Variants in ATG7 observed in about 807,000 individuals in gnomAD.
The protein encoded by ATG7 is ubiquitin-like modifier-activating enzyme ATG7.
A neutral mutation model predicts 82.4 loss-of-function variants in ATG7; 70 were observed. The observed-to-expected ratio is 0.85, with a 90% CI of 0.70 to 1.04. The LOEUF is 1.04. ATG7 is among the 50% of genes least tolerant of loss of function. The pLI, the probability that ATG7 is intolerant of heterozygous loss-of-function variation, is 0.00. For missense variants in ATG7, 792 were observed against 864.3 expected, an observed-to-expected ratio of 0.92 and a Z score of 1.05; for synonymous variants, 287 against 313.0, an observed-to-expected ratio of 0.92 and a Z score of 0.88.
intron 20 of ATG7, among the ~76,000 whole-genome samples, chr3:11,551,831 T>G (rs572469786): frequency 3.3e-5 from 5 of 151,998 alleles, no homozygotes; most frequent in Non-Finnish European, 1.5e-5. Context: ...TCACTACAAC[T>G]TCTACCTCCT....
chr3:11,546,577 T>TA (rs2071311014), intron 20 of ATG7, among the ~76,000 whole-genome samples: 1 of 152,172 alleles, frequency 6.6e-6, no homozygotes, highest in African/African-American at 2.4e-5. Context: ...AGAAGAACCT[T>TA]AGTTCATGGC....
At chr3:11,331,058 G>A (rs902184431) in intron 9 of ATG7, among the ~76,000 whole-genome samples, 1 of 151,972 alleles carries the variant, frequency 6.6e-6, no homozygotes, top group Non-Finnish European at 1.5e-5. Context: ...CTTCCTTCCA[G>A]TCTTTTTTCC....
intron 20 of ATG7, among the ~76,000 whole-genome samples, chr3:11,531,482 C>T (rs965072208): frequency 1.3e-5 from 2 of 152,188 alleles, no homozygotes; most frequent in East Asian, 1.9e-4. Flanking sequence ...TTAGGGTGCT[C>T]ACCTCTCTGT....
intron 20 of ATG7, among the ~76,000 whole-genome samples, chr3:11,520,588 G>A (rs2092415817): frequency 6.6e-6 from 1 of 152,166 alleles, no homozygotes; most frequent in East Asian, 1.9e-4. Flanking sequence ...AGGCAGCAGA[G>A]GAAATGGCCC....
chr3:11,335,287 C>T (rs1226499952), intron 11 of ATG7, among the ~76,000 whole-genome samples: 2 of 152,104 alleles, frequency 1.3e-5, no homozygotes, highest in African/African-American at 4.8e-5. Context: ...AAGATAGTCG[C>T]AGGGGTGTCC....
intron 9 of ATG7, among the ~76,000 whole-genome samples, chr3:11,319,607 C>G (rs1250289524): frequency 6.6e-6 from 1 of 152,228 alleles, no homozygotes; most frequent in Non-Finnish European, 1.5e-5. Context: ...GGACCCCGGG[C>G]CATATTATCC....
intron 6 of ATG7, 29 bp from the exon 7 acceptor site, chr3:11,308,955 C>G: frequency 6.3e-7 from 1 of 1,597,410 alleles, no homozygotes; most frequent in Non-Finnish European, 8.6e-7. Flanking sequence ...GCCTGGTAAC[C>G]TGCCTTGATG....
chr3:11,276,636 ATCTT>A (rs1941863430), intron 1 of ATG7, among the ~76,000 whole-genome samples: 2 of 152,022 alleles, frequency 1.3e-5, no homozygotes, highest in South Asian at 4.1e-4. Context: ...TTTCCTTCTT[ATCTT>A]TCTTGGCACA....
chr3:11,378,011 CTT>C (rs1333729151), intron 18 of ATG7, among the ~76,000 whole-genome samples: 1 of 124,288 alleles, frequency 8.0e-6, no homozygotes, highest in Admixed American at 8.3e-5. Flanking sequence ...GGCTATCTAA[CTT>C]ATACCAGTTA....
At chr3:11,552,841 G>A (rs2071940282) in intron 20 of ATG7, among the ~76,000 whole-genome samples, 1 of 152,214 alleles carries the variant, frequency 6.6e-6, no homozygotes. Flanking sequence ...CCCAGTCCCA[G>A]TGTGGCTGAG....
downstream of ATG7, chr3:11,558,541 G>C: frequency 6.3e-7 from 1 of 1,595,242 alleles, no homozygotes; most frequent in Non-Finnish European, 8.5e-7. Context: ...CGTGTTGTTG[G>C]AGGAGGCGCT....
intron 20 of ATG7, among the ~76,000 whole-genome samples, chr3:11,478,951 A>G (rs565852336): frequency 6.6e-6 from 1 of 151,206 alleles, no homozygotes; most frequent in Non-Finnish European, 1.5e-5. Context: ...TGAACACACA[A>G]GGAGAAATAA....
chr3:11,454,806 A>C (rs955131556), intron 20 of ATG7, among the ~76,000 whole-genome samples: 1 of 152,222 alleles, frequency 6.6e-6, no homozygotes, highest in Non-Finnish European at 1.5e-5. Flanking sequence ...ACAGATGTTC[A>C]TCAAATGCTA....
intron 19 of ATG7, among the ~76,000 whole-genome samples, chr3:11,412,447 C>T (rs2081001064): frequency 6.6e-6 from 1 of 151,968 alleles, no homozygotes; most frequent in Admixed American, 6.6e-5. Context: ...GCACTCTTGT[C>T]AAAAATTGAG....
Position 11,291,000 on chromosome 3 carries a change from G to T in ATG7, c.-10-7686G>T, listed in dbSNP as rs77149256. On this transcript the variant is annotated intron_variant, in intron 3 of 20. Coordinates refer to ENST00000693202, the MANE Select transcript of ATG7 (RefSeq NM_001349232.2). ...CCCGGCCATGTCTGTTATCTTTTAA[G>T]TAGTCATCCTTAGTCGCTTTTACCC... Among the ~76,000 whole-genome samples, 566 of 152,266 alleles carry T rather than the reference G, an allele frequency of 3.7e-3. 7 individuals are homozygous for T. Among genetic ancestry groups the T allele is most frequent in the African/African-American group, 0.013 (542 of 41,562 alleles).
At chr3:11,563,629 A>G in the ATG7 span, among the ~76,000 whole-genome samples, 1 of 152,204 alleles carries the variant, frequency 6.6e-6, no homozygotes, top group South Asian at 2.1e-4. Flanking sequence ...CAGCAGTGAT[A>G]ACTTGGCCTC....
intron 9 of ATG7, among the ~76,000 whole-genome samples, chr3:11,321,292 C>A (rs1381679534): frequency 6.6e-6 from 1 of 152,140 alleles, no homozygotes; most frequent in Non-Finnish European, 1.5e-5. Flanking sequence ...AGAGTGGGAG[C>A]TTTGCATGTG....
chr3:11,313,193 G>T, intron 7 of ATG7, 111 bp from the exon 8 acceptor site: 5 of 610,720 alleles, frequency 8.2e-6, no homozygotes, highest in Non-Finnish European at 1.4e-5. Context: ...GACAGACTTT[G>T]TTTGCATAGC....
chr3:11,437,739 A>C (rs1360858247), intron 20 of ATG7, among the ~76,000 whole-genome samples: 3 of 152,308 alleles, frequency 2.0e-5, no homozygotes, highest in African/African-American at 7.2e-5. Context: ...GTCTTATCAC[A>C]GTTCGCATAT....
Sources: gnomAD v4.1 joint callset for allele counts (sites outside exome capture counted in the v4.1 genomes callset) on GRCh38, gnomAD v4.1.1 for gene constraint, MANE v1.5 for transcripts, NCBI Gene and HGNC (gene_info 2026-07-23, HGNC 2026-07-21) for gene names.